The following PRKG1 variants were observed in gnomAD, a reference collection of about 807,000 sequenced individuals.
PRKG1 encodes the protein cGMP-dependent protein kinase 1.
A neutral mutation model predicts 88.1 loss-of-function variants in PRKG1; 35 were observed. The observed-to-expected ratio is 0.40, with a 90% CI of 0.30 to 0.53. The LOEUF (loss-of-function observed/expected upper bound fraction) is 0.53, where lower values mean the gene tolerates loss of function less well. Ranked by LOEUF, PRKG1 falls within the 20% of genes least tolerant of loss-of-function variation. The pLI is 0.59. For missense variants in PRKG1, 540 were observed against 839.8 expected (o/e 0.64, Z 4.41); for synonymous variants, 303 against 292.5 (o/e 1.04, Z -0.37).
At chr10:51,232,178 A>C (rs893205534) in intron 2 of PRKG1, among the ~76,000 whole-genome samples, 6 of 152,300 alleles carry the variant, frequency 3.9e-5, no homozygotes, top group African/African-American at 1.4e-4. Flanking sequence ...ATTCCAGTAG[A>C]GCCAGTATCC....
chr10:52,154,799 C>T (rs1656376619), intron 8 of PRKG1, among the ~76,000 whole-genome samples: 2 of 152,106 alleles, frequency 1.3e-5, no homozygotes, highest in Admixed American at 6.6e-5. Context: ...ACCCCACTTC[C>T]ACCCTTCTCC....
At chr10:52,291,388 A>G (rs978611294) in intron 17 of PRKG1, among the ~76,000 whole-genome samples, 10 of 143,484 alleles carry the variant, frequency 7.0e-5, no homozygotes, top group African/African-American at 2.6e-4. Flanking sequence ...TGTATCTCCT[A>G]AAGCTATCCC....
intron 2 of PRKG1, among the ~76,000 whole-genome samples, chr10:51,350,233 C>T (rs557205197): frequency 2.0e-5 from 3 of 152,290 alleles, no homozygotes; most frequent in Non-Finnish European, 2.9e-5. Context: ...AATGTACCCT[C>T]CCCAAGATAG....
intron 4 of PRKG1, among the ~76,000 whole-genome samples, chr10:51,888,199 A>C (rs1841621438): frequency 6.6e-6 from 1 of 152,192 alleles, no homozygotes; most frequent in East Asian, 1.9e-4. Context: ...TGCATCGATT[A>C]TATCTCAATA....
chr10:51,209,287 G>A (rs1212980888), intron 2 of PRKG1, among the ~76,000 whole-genome samples: 3 of 152,010 alleles, frequency 2.0e-5, no homozygotes, highest in Non-Finnish European at 2.9e-5. Context: ...ACCTCATACC[G>A]ATCGCTTAAC....
At chr10:51,161,367 A>G (rs1459948491) in intron 2 of PRKG1, among the ~76,000 whole-genome samples, 1 of 152,176 alleles carries the variant, frequency 6.6e-6, no homozygotes, top group Non-Finnish European at 1.5e-5. Flanking sequence ...ACATATTTTG[A>G]AGGGTAATGT....
chr10:51,244,771 T>G (rs1054923718), intron 2 of PRKG1: 1 of 152,226 alleles, frequency 6.6e-6, no homozygotes, highest in East Asian at 1.9e-4. Flanking sequence ...TTTTTCCGTT[T>G]TATAGCTGTT....
At chr10:52,050,179 G>A (rs1845956424) in intron 5 of PRKG1, among the ~76,000 whole-genome samples, 1 of 151,996 alleles carries the variant, frequency 6.6e-6, no homozygotes. Context: ...GAGTGCTCAG[G>A]CCTGGTGGTG....
intron 3 of PRKG1, among the ~76,000 whole-genome samples, chr10:51,701,314 A>C (rs1024637143): frequency 2.0e-5 from 3 of 152,240 alleles, no homozygotes; most frequent in Admixed American, 6.5e-5. Context: ...AAATTGTATT[A>C]TGTATCTTCA....
At chr10:51,584,927 G>A (rs1247522074) in intron 3 of PRKG1, among the ~76,000 whole-genome samples, 1 of 152,070 alleles carries the variant, frequency 6.6e-6, no homozygotes, top group African/African-American at 2.4e-5. Flanking sequence ...TACTGTAGGT[G>A]TTTTGAGAGG....
intron 2 of PRKG1, among the ~76,000 whole-genome samples, chr10:51,418,290 A>C (rs1661836489): frequency 1.3e-5 from 2 of 152,178 alleles, no homozygotes. Context: ...AAAACTAAAG[A>C]GGGAGCGTCA....
At chr10:52,030,532 T>C (rs1845449049) in intron 5 of PRKG1, among the ~76,000 whole-genome samples, 1 of 152,232 alleles carries the variant, frequency 6.6e-6, no homozygotes, top group African/African-American at 2.4e-5. Flanking sequence ...TCAAATGAAC[T>C]GATCTGGGAT....
intron 3 of PRKG1, among the ~76,000 whole-genome samples, chr10:51,658,507 A>G (rs1840217544): frequency 6.6e-6 from 1 of 152,090 alleles, no homozygotes; most frequent in African/African-American, 2.4e-5. Context: ...TGAATCCCAC[A>G]GGACCTTGCC....
At chr10:51,116,882 G>A (rs545482283) in intron 1 of PRKG1, among the ~76,000 whole-genome samples, 2 of 152,296 alleles carry the variant, frequency 1.3e-5, no homozygotes, top group Non-Finnish European at 2.9e-5. Flanking sequence ...TGGCATCTCT[G>A]TGCAGGATGA....
chr10:51,560,949 A>G (rs1837442502), intron 3 of PRKG1, among the ~76,000 whole-genome samples: 1 of 151,974 alleles, frequency 6.6e-6, no homozygotes. Context: ...TTGTGTGCTT[A>G]GACGGTTTTG....
intron 3 of PRKG1, among the ~76,000 whole-genome samples, chr10:51,474,887 T>C (rs1303351869): frequency 2.0e-5 from 3 of 152,006 alleles, no homozygotes; most frequent in Admixed American, 6.6e-5. Context: ...GAGATGTTCT[T>C]TGTTGACTAA....
At chr10:51,635,995 A>G (rs1363037226) in intron 3 of PRKG1, among the ~76,000 whole-genome samples, 3 of 152,208 alleles carry the variant, frequency 2.0e-5, no homozygotes, top group Non-Finnish European at 4.4e-5. Context: ...ACCTTGGTTG[A>G]AGTAAATAAA....
chr10:51,980,271 C>G (rs1016989830), intron 5 of PRKG1, among the ~76,000 whole-genome samples: 1 of 152,098 alleles, frequency 6.6e-6, no homozygotes, highest in Admixed American at 6.6e-5. Flanking sequence ...TATTCAATTT[C>G]CATGTAATTG....
At chr10:51,724,712 C>T (rs996815262) in intron 3 of PRKG1, among the ~76,000 whole-genome samples, 15 of 151,802 alleles carry the variant, frequency 9.9e-5, no homozygotes, top group Admixed American at 6.6e-4. Flanking sequence ...TTTTGTTTCT[C>T]GAGACAAAGT....
Sources: allele counts gnomAD v4.1 joint callset (sites outside exome capture counted in the v4.1 genomes callset), GRCh38; gene constraint gnomAD v4.1.1; transcripts MANE v1.5; gene names NCBI Gene and HGNC (gene_info 2026-07-23, HGNC 2026-07-21).